FA2H: variants seen among roughly 807,000 people sequenced by gnomAD.
The protein encoded by FA2H is fatty acid 2-hydroxylase, also known as fatty acid alpha-hydroxylase.
In FA2H, 22 loss-of-function variants were observed where a neutral mutation model predicts 44.9. The observed-to-expected ratio is 0.49, with a 90% CI of 0.35 to 0.70. The LOEUF is 0.70. FA2H is among the 30% of genes least tolerant of loss of function. FA2H has a pLI of 0.01. For synonymous variants in FA2H, 243 were observed against 213.2 expected (o/e 1.14, Z -1.22); for missense variants, 501 against 504.9 (o/e 0.99, Z 0.07).
chr16:74,765,991 C>T (rs1962801831), intron 1 of FA2H, among the ~76,000 whole-genome samples: 2 of 152,102 alleles, frequency 1.3e-5, no homozygotes, highest in Admixed American at 6.5e-5. Context: ...ACAAGAGCCA[C>T]AGTGGAAATA....
At chr16:74,716,936 C>T in intron 5 of FA2H, 1 of 310,308 alleles carries the variant, frequency 3.2e-6, no homozygotes, top group Non-Finnish European at 6.1e-6. Context: ...TTGTCAGGTG[C>T]TAGACAGGTA....
intron 2 of FA2H, among the ~76,000 whole-genome samples, chr16:74,731,032 G>A (rs761845797): frequency 2.6e-5 from 4 of 152,122 alleles, no homozygotes; most frequent in Admixed American, 6.6e-5. Flanking sequence ...CTTGCTGTGC[G>A]CAGGATCCCT....
intron 1 of FA2H, among the ~76,000 whole-genome samples, chr16:74,765,449 G>A (rs1297045948): frequency 6.6e-6 from 1 of 151,306 alleles, no homozygotes; most frequent in East Asian, 2.0e-4. Context: ...GAGCCACCGT[G>A]CCCGGCTATG....
chr16:74,716,871 G>A (rs974278545), intron 5 of FA2H: 57 of 498,680 alleles, frequency 1.1e-4, no homozygotes, highest in African/African-American at 9.6e-4. Flanking sequence ...CAGGATGGGT[G>A]GGGTGTGCTG....
At chr16:74,714,346 G>A in intron 6 of FA2H, 77 bp from the exon 7 acceptor site, 3 of 905,380 alleles carry the variant, frequency 3.3e-6, no homozygotes, top group Non-Finnish European at 5.4e-6. Context: ...GGGTGCCAGG[G>A]TAGGGATAAG....
chr16:74,747,223 A>G (rs1962440439), intron 1 of FA2H, among the ~76,000 whole-genome samples: 1 of 152,048 alleles, frequency 6.6e-6, no homozygotes, highest in Admixed American at 6.6e-5. Flanking sequence ...AGGCAGGAGA[A>G]TTGCTTGAAC....
intron 1 of FA2H, 45 bp downstream of exon 1, chr16:74,774,441 T>C (rs1322649675): frequency 6.8e-7 from 1 of 1,468,028 alleles, no homozygotes; most frequent in Non-Finnish European, 9.0e-7. Context: ...AGTGGAAGGC[T>C]GACGGAGGCC....
At chr16:74,741,782 A>ATG in intron 1 of FA2H, among the ~76,000 whole-genome samples, 1 of 61,846 alleles carries the variant, frequency 1.6e-5, no homozygotes, top group Non-Finnish European at 2.9e-5. Flanking sequence ...AAATATATAT[A>ATG]TATATATATA....
chr16:74,755,286 T>C (rs941775693), intron 1 of FA2H, among the ~76,000 whole-genome samples: 1 of 151,996 alleles, frequency 6.6e-6, no homozygotes, highest in East Asian at 1.9e-4. Context: ...TTTAAGTGAT[T>C]CTCCCACTTC....
In FA2H at chr16:74,716,363, A is replaced by G; in HGVS notation, c.1023T>C (p.Phe341=). The change falls in exon 6 of 7, where the codon TTT becomes TTC. Residue 341 remains phenylalanine (F), a synonymous_variant. Transcript: ENST00000219368. ...SLKAHHVKHH[F]AHQKSGFGIS... is the part of the protein sequence containing the mutation. ...CATCCTCACCTGACTTCTGATGTGC[A>G]AAGTGGTGCTTGACGTGGTGGGCCT... 1 of 1,613,970 alleles carries G rather than the reference A, an allele frequency of 6.2e-7. No individual in the cohort carries two copies. The highest frequency in any genetic ancestry group is 8.5e-7 in the Non-Finnish European group (1 of 1,179,970).
intron 6 of FA2H, 91 bp downstream of exon 6, chr16:74,716,256 A>T: frequency 6.9e-7 from 1 of 1,450,812 alleles, no homozygotes; most frequent in Non-Finnish European, 9.5e-7. Flanking sequence ...TACATGGAAC[A>T]GTGCCTTGCC....
chr16:74,724,101 C>A (rs942381451), intron 4 of FA2H, among the ~76,000 whole-genome samples: 11 of 152,110 alleles, frequency 7.2e-5, no homozygotes, highest in African/African-American at 2.2e-4. Flanking sequence ...TGGGTTTCAC[C>A]ATGTTGGCCA....
At chr16:74,767,540 G>A (rs1015131069) in intron 1 of FA2H, among the ~76,000 whole-genome samples, 1 of 152,256 alleles carries the variant, frequency 6.6e-6, no homozygotes, top group South Asian at 2.1e-4. Context: ...GTGTGACCCC[G>A]AGTGTACTTC....
chr16:74,714,658 T>G (rs1429846731), intron 6 of FA2H, among the ~76,000 whole-genome samples: 1 of 152,074 alleles, frequency 6.6e-6, no homozygotes, highest in African/African-American at 2.4e-5. Flanking sequence ...ATGGCACCTC[T>G]GCAATGACAC....
At chr16:74,720,506 CTCT>C (rs1197391465) in intron 4 of FA2H, among the ~76,000 whole-genome samples, 1 of 151,998 alleles carries the variant, frequency 6.6e-6, no homozygotes, top group African/African-American at 2.4e-5. Flanking sequence ...CATCCTCATC[CTCT>C]TATCTTTGTT....
intron 2 of FA2H, among the ~76,000 whole-genome samples, chr16:74,732,251 T>A (rs1962086214): frequency 6.6e-6 from 1 of 152,174 alleles, no homozygotes; most frequent in African/African-American, 2.4e-5. Flanking sequence ...ATCCTGTGAT[T>A]CACTTGTGCA....
Position 74,736,412 on chromosome 16 carries a change from C to T in FA2H, c.363+3611G>A, listed in dbSNP as rs963401116. On this transcript the variant is annotated intron_variant, in intron 2 of 6. Coordinates refer to ENST00000219368, the MANE Select transcript of FA2H (RefSeq NM_024306.5). ...GCCCACAGTGCCAAGGCTGGTCCCCCCGAGAGTGTGTTGGCCAAAAGGGCC... is the reference window on the plus strand; with the variant it reads ...GCCCACAGTGCCAAGGCTGGTCCCCTCGAGAGTGTGTTGGCCAAAAGGGCC... 1.4e-4 allele frequency among the ~76,000 whole-genome samples: 21 copies of T among 152,264 alleles called. 1 individual carries two copies. Among genetic ancestry groups the T allele is most frequent in the Admixed American group, 1.4e-3 (21 of 15,288 alleles).
chr16:74,740,018 G>A lies in FA2H; in HGVS notation c.363+5C>T, dbSNP rs754553995. On this transcript the variant is annotated splice_donor_5th_base_variant and intron_variant, in intron 2 of 6. Transcript: ENST00000219368. ...CATCACCCCACTCCATCCTATGCCAGGTACCTTGTCCCAATCCACCACTTT... is the reference window on the plus strand; with the variant it reads ...CATCACCCCACTCCATCCTATGCCAAGTACCTTGTCCCAATCCACCACTTT... 5.0e-6 allele frequency: 8 copies of A among 1,609,000 alleles called. No homozygotes were observed. Among genetic ancestry groups the A allele is most frequent in the Non-Finnish European group, 6.8e-6 (8 of 1,175,346 alleles).
At chr16:74,735,870 C>A (rs1199227870) in intron 2 of FA2H, among the ~76,000 whole-genome samples, 1 of 152,144 alleles carries the variant, frequency 6.6e-6, no homozygotes, top group African/African-American at 2.4e-5. Context: ...GTAGTCCCAG[C>A]TAATTAGGAA....
Sources: gnomAD v4.1 joint callset for allele counts (sites outside exome capture counted in the v4.1 genomes callset) on GRCh38, gnomAD v4.1.1 for gene constraint, MANE v1.5 for transcripts, NCBI Gene and HGNC (gene_info 2026-07-23, HGNC 2026-07-21) for gene names.